RD3: variants seen among roughly 807,000 people sequenced by gnomAD.
RD3 encodes protein RD3.
Under a neutral mutation model 16.9 loss-of-function variants are expected in RD3, and 11 were observed. The ratio of observed to expected loss-of-function variants is 0.65; its 90% CI spans 0.41 to 1.08. The LOEUF (loss-of-function observed/expected upper bound fraction) is 1.08. RD3 is among the 50% of genes least tolerant of loss of function. The pLI is 0.00. For missense variants in RD3, 274 were observed against 267.4 expected, an observed-to-expected ratio of 1.02 and a Z score of -0.17; for synonymous variants, 116 against 114.8, an observed-to-expected ratio of 1.01 and a Z score of -0.07.
chr1:211,484,910 G>A (rs758512344), intron 1 of RD3, among the ~76,000 whole-genome samples: 1 of 152,256 alleles, frequency 6.6e-6, no homozygotes, highest in Non-Finnish European at 1.5e-5. Flanking sequence ...TGGCAGTGCT[G>A]TCTGCCCTGC....
At position 211,479,208 on chromosome 1, in the gene RD3, G is replaced by T. The variant is rs773540460; in HGVS notation, c.416C>A (p.Thr139Lys). The stretch of plus-strand genomic sequence containing the variant: ...GCGGGGCCGCAGGCTCCACTGGCGC[G>T]TCAGCTTGTGGGCCTCCTCTTCCTG... ...MKQEEEAHKL[T>K]RQWSLRPRGS... The change falls in exon 3 of 3, where the codon ACG becomes AAG. Residue 139 changes from threonine to lysine, a missense_variant. Coordinates refer to ENST00000680073, the MANE Select transcript of RD3 (RefSeq NM_001164688.2). 10 of 1,611,258 alleles carry T rather than the reference G, an allele frequency of 6.2e-6. No homozygotes were observed. Among genetic ancestry groups the T allele is most frequent in the Non-Finnish European group, 8.5e-6 (10 of 1,179,128 alleles).
chr1:211,484,432 G>A (rs767142119), intron 1 of RD3, among the ~76,000 whole-genome samples: 1 of 152,040 alleles, frequency 6.6e-6, no homozygotes, highest in African/African-American at 2.4e-5. Flanking sequence ...TCTTAATCTG[G>A]GTTTGAATTT....
Position 211,478,607 on chromosome 1 carries a change from C to A in RD3, c.*429G>T, listed in dbSNP as rs1248032673. ...ACTAGCAAGAAGGCATACCAGCCAA[C>A]AGGTCCCTTCTCATTGGGGATGGGG... On this transcript the variant is annotated 3_prime_UTR_variant, in exon 3 of 3. Coordinates refer to ENST00000680073, the MANE Select transcript of RD3 (RefSeq NM_001164688.2). 9.1e-6 allele frequency: 2 copies of A among 218,768 alleles called. No individual in the cohort carries two copies. The highest frequency in any genetic ancestry group is 1.8e-5 in the Non-Finnish European group (2 of 112,256). 13.6% of individuals were successfully genotyped at this position (218,768 alleles called of 1,614,324 possible).
Position 211,477,973 on chromosome 1 carries a change from G to A in RD3, c.*1063C>T, listed in dbSNP as rs1201669626. ...ATCAAGGCCTAACCATGTTAGAAAA[G>A]GGAAGGACAATGAAGCTGCAGGAAG... is the stretch of plus-strand genomic sequence containing the variant. On this transcript the variant is annotated 3_prime_UTR_variant, in exon 3 of 3. Coordinates refer to ENST00000680073, the MANE Select transcript of RD3 (RefSeq NM_001164688.2). 2.5e-6 allele frequency: 1 copy of A among 397,082 alleles called. No individual in the cohort carries two copies. The highest frequency in any genetic ancestry group is 4.4e-6 in the Non-Finnish European group (1 of 225,548). The allele number at this position is 397,082 out of a possible 1,614,324, so 24.6% of individuals were successfully genotyped here. A position where few individuals can be genotyped will look rare whatever the true frequency, so the allele number is the denominator to read the frequency against.
chr1:211,488,555 C>G (rs1705422670), intron 1 of RD3, among the ~76,000 whole-genome samples: 1 of 150,780 alleles, frequency 6.6e-6, no homozygotes, highest in South Asian at 2.1e-4. Context: ...AAAAACCCAC[C>G]TGGAAAGAGG....
chr1:211,480,740 G>T (rs1413335203), intron 2 of RD3, among the ~76,000 whole-genome samples: 1 of 152,110 alleles, frequency 6.6e-6, no homozygotes, highest in Non-Finnish European at 1.5e-5. Context: ...TTAAGAATCT[G>T]ACTTTGGAGA....
intron 1 of RD3, among the ~76,000 whole-genome samples, chr1:211,482,360 C>T (rs574887461): frequency 6.6e-6 from 1 of 151,944 alleles, no homozygotes; most frequent in Non-Finnish European, 1.5e-5. Flanking sequence ...GGATCCTGCT[C>T]TCCAGGAGAG....
chr1:211,490,747 AC>A (rs1448916193), intron 1 of RD3, among the ~76,000 whole-genome samples: 1 of 152,080 alleles, frequency 6.6e-6, no homozygotes, highest in Non-Finnish European at 1.5e-5. Flanking sequence ...TCCTCTGCCC[AC>A]CTGACAGACA....
chr1:211,479,423 T>C, intron 2 of RD3, 96 bp from the exon 3 acceptor site: 1 of 1,139,580 alleles, frequency 8.8e-7, no homozygotes, highest in South Asian at 1.5e-5. Context: ...TGCATCCTCA[T>C]GGCCAATTAG....
In RD3 at chr1:211,481,440, A is replaced by G. The variant is rs770915551; in HGVS notation, c.-11-14T>C. 1 of 1,610,328 alleles carries G rather than the reference A, an allele frequency of 6.2e-7. No individual in the cohort carries two copies. The highest frequency in any genetic ancestry group is 1.1e-5 in the South Asian group (1 of 90,848). On this transcript the variant is annotated splice_polypyrimidine_tract_variant and intron_variant, in intron 1 of 2. Coordinates refer to ENST00000680073, the MANE Select transcript of RD3 (RefSeq NM_001164688.2). Reference sequence around the variant, plus strand: ...TAGCCCCTGGCCCTGCTGAGACAGGACAGATGTGCATCTTTCCTGGGCCCC... The same window carrying G: ...TAGCCCCTGGCCCTGCTGAGACAGGGCAGATGTGCATCTTTCCTGGGCCCC...
At chr1:211,490,184 G>A (rs959098492) in intron 1 of RD3, among the ~76,000 whole-genome samples, 2 of 152,224 alleles carry the variant, frequency 1.3e-5, no homozygotes, top group Admixed American at 1.3e-4. Context: ...ATGTCTCAAT[G>A]GTGGGAACAA....
rs1705204533 is a variant in RD3 at position 211,478,967 on chromosome 1, G to A, written c.*69C>T. On this transcript the variant is annotated 3_prime_UTR_variant, in exon 3 of 3. Coordinates refer to ENST00000680073, the MANE Select transcript of RD3 (RefSeq NM_001164688.2). ...CTAGGTGGGGAGGTTCCAGGGCCCGGCGCTCCGGTCACCGGCCTATCATTC... is the reference window on the plus strand; with the variant it reads ...CTAGGTGGGGAGGTTCCAGGGCCCGACGCTCCGGTCACCGGCCTATCATTC... The A allele has an allele frequency of 2.1e-6, 3 of 1,439,444 alleles. No homozygotes were observed. The highest frequency in any genetic ancestry group is 2.8e-5 in the African/African-American group (2 of 71,166). 89.2% of individuals were successfully genotyped at this position (1,439,444 alleles called of 1,614,324 possible).
chr1:211,481,983 G>A (rs1705276135), intron 1 of RD3, among the ~76,000 whole-genome samples: 1 of 152,224 alleles, frequency 6.6e-6, no homozygotes, highest in South Asian at 2.1e-4. Flanking sequence ...AATACTTTGG[G>A]AGGCCAAGAT....
At chr1:211,485,376 G>A (rs1428383055) in intron 1 of RD3, among the ~76,000 whole-genome samples, 1 of 152,162 alleles carries the variant, frequency 6.6e-6, no homozygotes, top group Non-Finnish European at 1.5e-5. Context: ...CAAGATTTCT[G>A]CTGGTGCTAT....
At chr1:211,480,996 T>G (rs753159956) in intron 2 of RD3, 124 bp downstream of exon 2, 35 of 1,018,634 alleles carry the variant, frequency 3.4e-5, no homozygotes, top group Non-Finnish European at 5.1e-5. Context: ...CTCTTGCTCC[T>G]TCTAACAGAT....
rs143642612 is a variant in RD3 at position 211,481,160 on chromosome 1, C to T, written c.256G>A (p.Val86Ile). 8.1e-6 allele frequency: 13 copies of T among 1,614,240 alleles called. 1 individual carries two copies. Among genetic ancestry groups the T allele is most frequent in the African/African-American group, 2.7e-5 (2 of 75,076 alleles). ...CCACAATAGGATGGGTGGATCTTAA[C>T]GCAGACATCTTCCAGCTGCAACCGC... ...IERLQLEDVC[V>I]KIHPSYCGPA... Residue 86 changes from valine (V) to isoleucine (I), a missense_variant, in exon 2 of 3, where the codon GTT becomes ATT. Val to Ile is a conservative substitution (Grantham distance 29). Coordinates refer to ENST00000680073, the MANE Select transcript of RD3 (RefSeq NM_001164688.2).
In RD3 at chr1:211,487,800, G is replaced by A. The variant is rs1376319512; in HGVS notation, c.-12+3968C>T. Among the ~76,000 whole-genome samples the A allele has an allele frequency of 2.0e-5, 3 of 152,244 alleles. No homozygotes were observed. The East Asian group carries it at 5.8e-4, about 29-fold the overall frequency. On this transcript the variant is annotated intron_variant, in intron 1 of 2. Transcript: ENST00000680073. The stretch of plus-strand genomic sequence containing the variant: ...GGCCTGGAGACTGAGGCGCAGGGCT[G>A]AGTTCTCATCCACTCACTCGCTCAG...
intron 1 of RD3, 92 bp from the exon 2 acceptor site, chr1:211,481,518 G>C (rs1705265437): frequency 7.9e-7 from 1 of 1,260,054 alleles, no homozygotes; most frequent in African/African-American, 1.5e-5. Context: ...GAGGAGAGCT[G>C]GGACCCAGGA....
chr1:211,480,213 G>A (rs575514866), intron 2 of RD3, among the ~76,000 whole-genome samples: 1 of 152,086 alleles, frequency 6.6e-6, no homozygotes, highest in Non-Finnish European at 1.5e-5. Context: ...AGCTGGGGGA[G>A]AGTAAGGTTC....
Sources: gnomAD v4.1 joint callset for allele counts (sites outside exome capture counted in the v4.1 genomes callset) on GRCh38, gnomAD v4.1.1 for gene constraint, MANE v1.5 for transcripts, NCBI Gene and HGNC (gene_info 2026-07-23, HGNC 2026-07-21) for gene names.